PRMT3: variants seen among roughly 807,000 people sequenced by gnomAD.
PRMT3 encodes the protein protein arginine methyltransferase 3, also known as protein arginine N-methyltransferase 3.
In PRMT3, 62 loss-of-function variants were observed where a neutral mutation model predicts 71.9. The ratio of observed to expected loss-of-function variants is 0.86; its 90% CI spans 0.70 to 1.07. The LOEUF (loss-of-function observed/expected upper bound fraction) is 1.07. PRMT3 is among the 50% of genes least tolerant of loss of function. PRMT3 has a pLI of 0.00. For missense variants in PRMT3, 663 were observed against 643.0 expected, an observed-to-expected ratio of 1.03 and a Z score of -0.34; for synonymous variants, 213 against 220.4, an observed-to-expected ratio of 0.97 and a Z score of 0.30.
At chr11:20,468,221 G>A (rs1215383910) in intron 13 of PRMT3, among the ~76,000 whole-genome samples, 1 of 152,208 alleles carries the variant, frequency 6.6e-6, no homozygotes, top group Non-Finnish European at 1.5e-5. Context: ...GTACTGCTAA[G>A]TACAAACCTT....
intron 7 of PRMT3, among the ~76,000 whole-genome samples, 175 bp downstream of exon 7, chr11:20,397,896 G>A (rs1452074232): frequency 2.0e-5 from 3 of 151,578 alleles, no homozygotes; most frequent in African/African-American, 7.3e-5. Context: ...TTACAAGACT[G>A]GGCACGGTGG....
At chr11:20,394,390 G>A (rs965829062) in intron 5 of PRMT3, among the ~76,000 whole-genome samples, 3 of 151,798 alleles carry the variant, frequency 2.0e-5, no homozygotes, top group Admixed American at 1.3e-4. Context: ...CCTTGCCCAG[G>A]ATGAAAAATT....
At chr11:20,440,281 A>C (rs1590065703) in intron 10 of PRMT3, among the ~76,000 whole-genome samples, 1 of 152,180 alleles carries the variant, frequency 6.6e-6, no homozygotes, top group East Asian at 1.9e-4. Flanking sequence ...GCTTAAGCCC[A>C]GAAGTTCAAG....
chr11:20,422,458 A>G (rs1565205598), intron 9 of PRMT3, among the ~76,000 whole-genome samples: 1 of 151,388 alleles, frequency 6.6e-6, no homozygotes, highest in Non-Finnish European at 1.5e-5. Flanking sequence ...GTGAGGAAAA[A>G]CTCTCTCTTG....
intron 8 of PRMT3, chr11:20,407,314 T>G (rs1477068765): frequency 6.6e-6 from 1 of 152,256 alleles, no homozygotes; most frequent in Non-Finnish European, 1.5e-5. Context: ...TTTTTCATTT[T>G]CTGCCGTACA....
intron 13 of PRMT3, among the ~76,000 whole-genome samples, chr11:20,490,893 CT>C (rs1263659632): frequency 6.6e-6 from 1 of 152,138 alleles, no homozygotes; most frequent in Non-Finnish European, 1.5e-5. Flanking sequence ...AATTTCTTTA[CT>C]TTTCCTTGAC....
Position 20,391,083 on chromosome 11 carries a change from A to G in PRMT3, c.248-1128A>G, listed in dbSNP as rs551753951. On this transcript the variant is annotated intron_variant, in intron 3 of 15. Coordinates refer to ENST00000331079, the MANE Select transcript of PRMT3 (RefSeq NM_005788.4). ...AAAAATAATAGGTTTTTTGGTCCCT[A>G]TATTTGTTGACAACTAAGAAGGGAC... is the stretch of plus-strand genomic sequence containing the variant. Among the ~76,000 whole-genome samples, 12 of 152,056 alleles carry G rather than the reference A, an allele frequency of 7.9e-5. No individual in the cohort carries two copies. The South Asian group carries it at 1.9e-3, about 24-fold the overall frequency.
intron 13 of PRMT3, among the ~76,000 whole-genome samples, chr11:20,492,383 T>G (rs1851228687): frequency 6.6e-6 from 1 of 152,232 alleles, no homozygotes; most frequent in African/African-American, 2.4e-5. Flanking sequence ...TTTATGATAA[T>G]CTGTGGCTGA....
intron 11 of PRMT3, among the ~76,000 whole-genome samples, chr11:20,460,667 C>T (rs1350638964): frequency 6.6e-6 from 1 of 151,368 alleles, no homozygotes; most frequent in Non-Finnish European, 1.5e-5. Context: ...ACATTTCAGA[C>T]ATTTTTATTT....
At chr11:20,486,277 A>C (rs1851069253) in intron 13 of PRMT3, among the ~76,000 whole-genome samples, 1 of 152,196 alleles carries the variant, frequency 6.6e-6, no homozygotes. Context: ...AAGAATGTTG[A>C]ATTGTACAAT....
chr11:20,416,528 T>A (rs537723318), intron 9 of PRMT3, among the ~76,000 whole-genome samples: 8 of 152,310 alleles, frequency 5.3e-5, no homozygotes, highest in South Asian at 2.1e-4. Flanking sequence ...TAAGTACTTA[T>A]TCAATGAATG....
In PRMT3 at chr11:20,509,305, A is replaced by C. The variant is rs1052367140; in HGVS notation, c.*892A>C. The C allele has an allele frequency of 6.6e-6, 1 of 152,176 alleles. No individual in the cohort carries two copies. Among genetic ancestry groups the C allele is most frequent in the African/African-American group, 2.4e-5 (1 of 41,456 alleles). The allele number at this position is 152,176 out of a possible 1,614,324, so 9.4% of individuals were successfully genotyped here. ...AATATTTTAAAAATATTGATATTAT[A>C]AAAGTTTTCAATAAAATATATCAAA... is the stretch of plus-strand genomic sequence containing the variant. On this transcript the variant is annotated 3_prime_UTR_variant, in exon 16 of 16. Coordinates refer to ENST00000331079, the MANE Select transcript of PRMT3 (RefSeq NM_005788.4).
At chr11:20,457,548 A>G (rs1014858670) in intron 11 of PRMT3, among the ~76,000 whole-genome samples, 1 of 152,246 alleles carries the variant, frequency 6.6e-6, no homozygotes, top group Admixed American at 6.5e-5. Context: ...AAATTATTCA[A>G]AAGTCTAAAT....
chr11:20,434,624 C>A (rs1849723997), intron 10 of PRMT3, among the ~76,000 whole-genome samples: 1 of 152,164 alleles, frequency 6.6e-6, no homozygotes, highest in Non-Finnish European at 1.5e-5. Flanking sequence ...GGAGTCCTTT[C>A]CTCATTGCTT....
At chr11:20,476,214 G>C (rs1025782376) in intron 13 of PRMT3, among the ~76,000 whole-genome samples, 1 of 151,748 alleles carries the variant, frequency 6.6e-6, no homozygotes, top group Non-Finnish European at 1.5e-5. Context: ...TTAGCCAGGC[G>C]TGATGGCAGG....
At chr11:20,415,310 C>A (rs994919795) in intron 9 of PRMT3, among the ~76,000 whole-genome samples, 1 of 151,952 alleles carries the variant, frequency 6.6e-6, no homozygotes, top group Non-Finnish European at 1.5e-5. Flanking sequence ...CCTAGTATAC[C>A]CCGAAATCCC....
chr11:20,409,822 A>G (rs1187244008), intron 9 of PRMT3, among the ~76,000 whole-genome samples: 2 of 152,144 alleles, frequency 1.3e-5, no homozygotes, highest in African/African-American at 4.8e-5. Flanking sequence ...AGTACCCTCA[A>G]TTGCTTATTC....
chr11:20,415,017 GGTGT>G lies in PRMT3; in HGVS notation c.893+7020_893+7023del, dbSNP rs377570784. On this transcript the variant is annotated intron_variant, in intron 9 of 15. Transcript: ENST00000331079. ...TTTTAAAGACAGTGGTGGTGGTAGT[GGTGT>G]GTGTGTGTGTGTGTGTGTGTGTGTG... Among the ~76,000 whole-genome samples, 635 of 135,420 alleles carry G rather than the reference GGTGT, an allele frequency of 4.7e-3. 2 individuals are homozygous for G. The highest frequency in any genetic ancestry group is 7.7e-3 in the South Asian group (32 of 4,164). 88.8% of individuals were successfully genotyped at this position (135,420 alleles called of 152,430 possible).
At chr11:20,461,759 G>T (rs534217771) in intron 11 of PRMT3, among the ~76,000 whole-genome samples, 1 of 151,964 alleles carries the variant, frequency 6.6e-6, no homozygotes, top group South Asian at 2.1e-4. Context: ...CCCTATCATT[G>T]GAATCCCTGT....
Sources: gnomAD v4.1 joint callset for allele counts (sites outside exome capture counted in the v4.1 genomes callset) on GRCh38, gnomAD v4.1.1 for gene constraint, MANE v1.5 for transcripts, NCBI Gene and HGNC (gene_info 2026-07-23, HGNC 2026-07-21) for gene names.